ANTXRL: variants seen among roughly 807,000 people sequenced by gnomAD.
The protein encoded by ANTXRL is ANTXR like.
ANTXRL carries 63 observed loss-of-function variants against 75.4 expected under a neutral mutation model. The observed-to-expected ratio is 0.84, with a 90% confidence interval of 0.68 to 1.03. The LOEUF is 1.03. Among genes scored for constraint, ANTXRL ranks in the 50% least tolerant of loss-of-function variants. The pLI is 0.00. For synonymous variants in ANTXRL, 335 were observed against 291.3 expected, an observed-to-expected ratio of 1.15 and a Z score of -1.53; for missense variants, 797 against 789.4, an observed-to-expected ratio of 1.01 and a Z score of -0.12.
chr10:46,292,392 G>A (rs1397237318), intron 2 of ANTXRL, among the ~76,000 whole-genome samples: 4 of 152,122 alleles, frequency 2.6e-5, no homozygotes, highest in African/African-American at 7.2e-5. Context: ...CACACGCTGG[G>A]AAGGGACAAT....
Position 46,299,920 on chromosome 10 carries a change from G to A in ANTXRL, c.796+1858G>A, listed in dbSNP as rs1166790649. Among the ~76,000 whole-genome samples, 3 of 152,162 alleles carry A rather than the reference G, an allele frequency of 2.0e-5. No homozygotes were observed. In the East Asian group the frequency reaches 5.8e-4, roughly 29 times the overall value. ...TCTCCCCCATGCAGAGCTGAGGGCA[G>A]GGGTGGAGTAGAGAGGGCTCTCCTC... is the stretch of plus-strand genomic sequence containing the variant. On this transcript the variant is annotated intron_variant, in intron 9 of 16. Coordinates refer to ENST00000620264, the MANE Select transcript of ANTXRL (RefSeq NM_001278688.3).
At chr10:46,296,192 G>A (rs1326648599) in intron 4 of ANTXRL, 27 bp from the exon 5 acceptor site, 28 of 1,535,664 alleles carry the variant, frequency 1.8e-5, no homozygotes, top group African/African-American at 8.2e-5. Flanking sequence ...CACTGTCCAG[G>A]CTCAATATTT....
At chr10:46,322,179 C>T (rs564754448) in intron 16 of ANTXRL, among the ~76,000 whole-genome samples, 1 of 152,070 alleles carries the variant, frequency 6.6e-6, no homozygotes, top group South Asian at 2.1e-4. Context: ...CATACTGATA[C>T]CCCGTTGAGG....
chr10:46,295,462 G>GA (rs1837310098), intron 3 of ANTXRL, among the ~76,000 whole-genome samples: 2 of 120,058 alleles, frequency 1.7e-5, no homozygotes. Context: ...GTTAGGGTTT[G>GA]GGTTAGAGTT....
Position 46,312,030 on chromosome 10 carries a change from C to T in ANTXRL, c.1329+365C>T, listed in dbSNP as rs368103860. ...TGGCTTTAGACCACTTGCCTGCAGG[C>T]GCATGAGTCAAGCAACCTGAGTCAC... On this transcript the variant is annotated intron_variant, in intron 15 of 16. Transcript: ENST00000620264. Among the ~76,000 whole-genome samples the T allele has an allele frequency of 4.1e-5, 6 of 145,746 alleles. 1 individual carries two copies. Among genetic ancestry groups the T allele is most frequent in the Non-Finnish European group, 7.6e-5 (5 of 65,396 alleles).
chr10:46,291,948 G>A, intron 1 of ANTXRL, 110 bp from the exon 2 acceptor site: 1 of 969,950 alleles, frequency 1.0e-6, no homozygotes, highest in East Asian at 2.6e-5. Context: ...CAGCTGTGCT[G>A]GGGTCAGGAG....
At chr10:46,328,219 G>T (rs140213408) in intron 16 of ANTXRL, among the ~76,000 whole-genome samples, 2 of 152,286 alleles carry the variant, frequency 1.3e-5, no homozygotes, top group East Asian at 3.9e-4. Context: ...GAAAAGGTGA[G>T]CAGCAGTTCA....
At chr10:46,324,321 G>A (rs376575041) in intron 16 of ANTXRL, among the ~76,000 whole-genome samples, 1 of 152,268 alleles carries the variant, frequency 6.6e-6, no homozygotes, top group African/African-American at 2.4e-5. Context: ...TTTATGAACC[G>A]GAATGCTAAA....
chr10:46,308,358 C>T (rs1554962462), intron 12 of ANTXRL: 12 of 417,076 alleles, frequency 2.9e-5, no homozygotes, highest in South Asian at 1.9e-4. Context: ...TCAGTGGTTC[C>T]TCTCCTTCAG....
chr10:46,306,839 A>G lies in ANTXRL; in HGVS notation c.932A>G (p.Asn311Ser). The change falls in exon 11 of 17, where the codon AAT (asparagine) becomes AGT (serine). Residue 311 changes from asparagine to serine, a missense_variant. This residue lies in a region of ANTXRL where 479 missense variants were observed against 422.0 expected (regional missense o/e 1.14). Transcript: ENST00000620264. ...ACCAGTATCGACAATAATTCCATGA[A>G]TTGCCCTGGGCCAAAACTAGAAAAA... is the stretch of plus-strand genomic sequence containing the variant. ...KPTSIDNNSM[N>S]CPGPKLEKPG... 1.3e-6 allele frequency: 2 copies of G among 1,530,774 alleles called. No homozygotes were observed. Among genetic ancestry groups the G allele is most frequent in the East Asian group, 4.9e-5 (2 of 40,660 alleles). 94.8% of individuals were successfully genotyped at this position (1,530,774 alleles called of 1,614,324 possible). A position where few individuals can be genotyped will look rare whatever the true frequency, so the allele number is the denominator to read the frequency against.
At chr10:46,303,942 C>T (rs1206723392) in intron 10 of ANTXRL, among the ~76,000 whole-genome samples, 1 of 152,048 alleles carries the variant, frequency 6.6e-6, no homozygotes, top group Admixed American at 6.6e-5. Context: ...AATTCCAGGG[C>T]CATATGGTAA....
intron 16 of ANTXRL, among the ~76,000 whole-genome samples, chr10:46,327,832 G>T (rs1225885630): frequency 6.6e-6 from 1 of 152,140 alleles, no homozygotes; most frequent in Non-Finnish European, 1.5e-5. Context: ...GCCGGGAAGG[G>T]TGGCCTTGAG....
At chr10:46,326,423 A>T (rs1297380040) in intron 16 of ANTXRL, among the ~76,000 whole-genome samples, 4 of 152,012 alleles carry the variant, frequency 2.6e-5, no homozygotes, top group Admixed American at 2.6e-4. Flanking sequence ...TGCCAGGAGG[A>T]GGGGCCAACT....
intron 16 of ANTXRL, among the ~76,000 whole-genome samples, chr10:46,320,203 T>C (rs1838915879): frequency 6.6e-6 from 1 of 152,192 alleles, no homozygotes; most frequent in Admixed American, 6.5e-5. Context: ...TAGTTTCTAC[T>C]GAGTAAAGAT....
chr10:46,312,713 G>C (rs1838497944), intron 15 of ANTXRL, among the ~76,000 whole-genome samples: 1 of 148,654 alleles, frequency 6.7e-6, no homozygotes, highest in Admixed American at 6.7e-5. Flanking sequence ...AGGCCTGACT[G>C]CAGCGCCGAG....
At chr10:46,288,028 C>T (rs1272953983) in intron 1 of ANTXRL, among the ~76,000 whole-genome samples, 3 of 152,024 alleles carry the variant, frequency 2.0e-5, no homozygotes, top group Non-Finnish European at 4.4e-5. Context: ...CTTGGAGAGC[C>T]ACGCGATAGT....
At chr10:46,302,131 G>T (rs1588823332) in intron 9 of ANTXRL, among the ~76,000 whole-genome samples, 1 of 152,198 alleles carries the variant, frequency 6.6e-6, no homozygotes, top group African/African-American at 2.4e-5. Flanking sequence ...TTCTGTGATG[G>T]ATTCCCTTGA....
Position 46,322,407 on chromosome 10 carries a change from G to A in ANTXRL, c.1411-7192G>A, listed in dbSNP as rs953235021. On this transcript the variant is annotated intron_variant, in intron 16 of 16. Coordinates refer to ENST00000620264, the MANE Select transcript of ANTXRL (RefSeq NM_001278688.3). ...TGGGAGGCAGAGGTTGCAGTGAGCC[G>A]AGATTGCACCACTGCACTCCAGCCT... is the stretch of plus-strand genomic sequence containing the variant. Among the ~76,000 whole-genome samples, 7 of 150,108 alleles carry A rather than the reference G, an allele frequency of 4.7e-5. No individual in the cohort carries two copies. The South Asian group carries it at 6.3e-4, about 14-fold the overall frequency.
At chr10:46,310,632 A>G (rs1838365485) in intron 14 of ANTXRL, 133 bp downstream of exon 14, 7 of 963,112 alleles carry the variant, frequency 7.3e-6, no homozygotes, top group Non-Finnish European at 9.5e-6. Context: ...GGCAGAATGG[A>G]GCCTGAGAAG....
Sources: gnomAD v4.1 joint callset for allele counts (sites outside exome capture counted in the v4.1 genomes callset) on GRCh38, gnomAD v4.1.1 for gene constraint, gnomAD v4.1.1 regional missense constraint, MANE v1.5 for transcripts, NCBI Gene and HGNC (gene_info 2026-07-23, HGNC 2026-07-21) for gene names.